The following RFFL variants were observed in gnomAD, a reference collection of about 807,000 sequenced individuals.
The protein encoded by RFFL is E3 ubiquitin-protein ligase rififylin.
In RFFL, 16 loss-of-function variants were observed where a neutral mutation model predicts 40.4. The ratio of observed to expected loss-of-function variants is 0.40; its 90% CI spans 0.27 to 0.60. The LOEUF (loss-of-function observed/expected upper bound fraction) is 0.60. Among genes scored for constraint, RFFL ranks in the 20% least tolerant of loss-of-function variants. The pLI is 0.47. For missense variants in RFFL, 367 were observed against 451.7 expected, an observed-to-expected ratio of 0.81 and a Z score of 1.70; for synonymous variants, 154 against 167.9, an observed-to-expected ratio of 0.92 and a Z score of 0.64.
In RFFL at chr17:35,051,130, A is replaced by G. The variant is rs1656273024; in HGVS notation, c.-9+12446T>C. On this transcript the variant is annotated intron_variant, in intron 1 of 6. Coordinates refer to ENST00000394597, the MANE Select transcript of RFFL (RefSeq NM_001017368.2). ...TGGCTTCATTTTATAAACCATATGG[A>G]TGCAGTACAGTATAAACTAGGATAA... Among the ~76,000 whole-genome samples, 3 of 152,240 alleles carry G rather than the reference A, an allele frequency of 2.0e-5. No individual in the cohort carries two copies. In the South Asian group the frequency reaches 6.2e-4, roughly 31 times the overall value.
intron 1 of RFFL, among the ~76,000 whole-genome samples, chr17:35,028,330 G>T (rs1386164894): frequency 6.6e-6 from 1 of 151,664 alleles, no homozygotes; most frequent in African/African-American, 2.4e-5. Flanking sequence ...GTGACAAAGT[G>T]AGACCTTGTC....
Position 35,012,073 on chromosome 17 carries a change from C to G in RFFL, c.987G>C (p.Leu329=). 6.2e-7 allele frequency: 1 copy of G among 1,614,196 alleles called. No individual in the cohort carries two copies. Among genetic ancestry groups the G allele is most frequent in the South Asian group, 1.1e-5 (1 of 91,086 alleles). ...CMDSPIDCVL[L]ECGHMVTCTK... Reference sequence around the variant, plus strand: ...TACAGGTTACCATGTGGCCACACTCCAGAAGAACACAGTCAATGGGTGAGT... The same window carrying G: ...TACAGGTTACCATGTGGCCACACTCGAGAAGAACACAGTCAATGGGTGAGT... Residue 329 remains leucine (L), a synonymous_variant, in exon 7 of 7, where the codon CTG becomes CTC. Coordinates refer to ENST00000394597, the MANE Select transcript of RFFL (RefSeq NM_001017368.2).
chr17:35,023,088 C>T (rs57921350), intron 2 of RFFL, among the ~76,000 whole-genome samples: 14 of 152,360 alleles, frequency 9.2e-5, no homozygotes, highest in African/African-American at 2.9e-4. Flanking sequence ...TTCCTGAGCA[C>T]ACTGGGATTG....
chr17:35,079,349 A>T (rs762458276), intron 1 of RFFL, among the ~76,000 whole-genome samples: 1 of 152,230 alleles, frequency 6.6e-6, no homozygotes, highest in African/African-American at 2.4e-5. Context: ...AAACAACAAC[A>T]TAAGGAGAAA....
At chr17:35,078,789 G>A (rs1177828064) in intron 1 of RFFL, among the ~76,000 whole-genome samples, 1 of 151,946 alleles carries the variant, frequency 6.6e-6, no homozygotes, top group Non-Finnish European at 1.5e-5. Flanking sequence ...ACACCAGCCT[G>A]GCCAACATGA....
intron 2 of RFFL, among the ~76,000 whole-genome samples, chr17:35,025,622 A>G (rs1386979687): frequency 1.3e-5 from 2 of 152,230 alleles, no homozygotes; most frequent in East Asian, 1.9e-4. Flanking sequence ...ATCATATCCT[A>G]TCACTTATTC....
chr17:35,032,094 CAA>C (rs11308568), intron 1 of RFFL, among the ~76,000 whole-genome samples: 22 of 82,122 alleles, frequency 2.7e-4, no homozygotes, highest in Admixed American at 2.8e-4. Flanking sequence ...GACTCCGTCT[CAA>C]AAAAAAAAAA....
intron 3 of RFFL, 51 bp downstream of exon 3, chr17:35,021,320 A>C: frequency 6.7e-7 from 1 of 1,489,938 alleles, no homozygotes; most frequent in Non-Finnish European, 9.0e-7. Flanking sequence ...GAAAATGAAA[A>C]TGAGCCCTCA....
chr17:35,062,364 C>T (rs890532119), intron 1 of RFFL, among the ~76,000 whole-genome samples: 1 of 152,012 alleles, frequency 6.6e-6, no homozygotes, highest in African/African-American at 2.4e-5. Flanking sequence ...GATCACACCA[C>T]TGCACTGCAG....
intron 1 of RFFL, among the ~76,000 whole-genome samples, chr17:35,035,260 T>C (rs2091112810): frequency 6.6e-6 from 1 of 151,894 alleles, no homozygotes; most frequent in African/African-American, 2.4e-5. Context: ...AATACAAAAA[T>C]TAGCCGGGCA....
intron 1 of RFFL, among the ~76,000 whole-genome samples, chr17:35,059,255 G>C (rs1198787400): frequency 6.6e-6 from 1 of 151,984 alleles, no homozygotes; most frequent in East Asian, 1.9e-4. Flanking sequence ...CCGACCTCAG[G>C]TGATCCACTC....
chr17:35,042,382 C>T (rs1025068234), intron 1 of RFFL: 5 of 152,216 alleles, frequency 3.3e-5, no homozygotes, highest in African/African-American at 1.2e-4. Context: ...GGTGACAACA[C>T]AATGAGCATA....
intron 1 of RFFL, among the ~76,000 whole-genome samples, chr17:35,041,984 C>T (rs532389883): frequency 6.6e-6 from 1 of 152,266 alleles, no homozygotes; most frequent in African/African-American, 2.4e-5. Context: ...CACTGCACTC[C>T]AGCCTGGGCC....
intron 1 of RFFL, among the ~76,000 whole-genome samples, chr17:35,050,837 T>C (rs762866076): frequency 5.9e-5 from 9 of 152,176 alleles, no homozygotes; most frequent in Non-Finnish European, 8.8e-5. Flanking sequence ...CCAGGTGTGA[T>C]GGCACATGCC....
At chr17:35,084,005 G>A (rs1206624784) in intron 1 of RFFL, among the ~76,000 whole-genome samples, 2 of 152,088 alleles carry the variant, frequency 1.3e-5, no homozygotes, top group African/African-American at 4.8e-5. Context: ...TTGGGAGGTC[G>A]AGGCAGGTGG....
intron 1 of RFFL, among the ~76,000 whole-genome samples, chr17:35,052,156 G>C (rs1264446076): frequency 6.6e-6 from 1 of 152,034 alleles, no homozygotes; most frequent in Non-Finnish European, 1.5e-5. Context: ...TTATTTCTTT[G>C]GTCAAATAAG....
Position 35,022,302 on chromosome 17 carries a change from G to A in RFFL, c.181-521C>T, listed in dbSNP as rs539712158. Reference sequence around the variant, plus strand: ...AATGAGTCCTCAACAAGTGTAAGCTGTTTTATTATAGCTAGGAAATATTAC... The same window carrying A: ...AATGAGTCCTCAACAAGTGTAAGCTATTTTATTATAGCTAGGAAATATTAC... On this transcript the variant is annotated intron_variant, in intron 2 of 6. Transcript: ENST00000394597. Among the ~76,000 whole-genome samples the A allele has an allele frequency of 3.9e-4, 59 of 152,294 alleles. No individual in the cohort carries two copies. The South Asian group carries it at 0.011, about 29-fold the overall frequency.
intron 1 of RFFL, among the ~76,000 whole-genome samples, chr17:35,087,508 G>A (rs1016163180): frequency 6.6e-6 from 1 of 152,098 alleles, no homozygotes; most frequent in Non-Finnish European, 1.5e-5. Flanking sequence ...TAAACTGGTC[G>A]ATTTAAATAT....
intron 2 of RFFL, among the ~76,000 whole-genome samples, chr17:35,022,624 T>C (rs778926378): frequency 1.6e-4 from 25 of 152,154 alleles, no homozygotes; most frequent in Non-Finnish European, 3.2e-4. Context: ...TCACATTCTT[T>C]CCACCAGGCC....
Sources: allele counts gnomAD v4.1 joint callset (sites outside exome capture counted in the v4.1 genomes callset), GRCh38; gene constraint gnomAD v4.1.1; transcripts MANE v1.5; gene names NCBI Gene and HGNC (gene_info 2026-07-23, HGNC 2026-07-21).